Variants in REPS2 observed in about 807,000 individuals in gnomAD.
REPS2 encodes the protein ralBP1-associated Eps domain-containing protein 2.
REPS2 carries 23 observed loss-of-function variants against 53.6 expected under a neutral mutation model. The ratio of observed to expected loss-of-function variants is 0.43; its 90% CI spans 0.31 to 0.61. REPS2 has a LOEUF of 0.61. REPS2 is among the 20% of genes least tolerant of loss of function. REPS2 has a pLI of 0.11. For missense variants in REPS2, 446 were observed against 534.9 expected (o/e 0.83, Z 1.64); for synonymous variants, 238 against 218.6 (o/e 1.09, Z -0.78).
chrX:17,134,302 C>T (rs1003300765), intron 15 of REPS2, among the ~76,000 whole-genome samples: 2 of 111,627 alleles, frequency 1.8e-5, no homozygotes, highest in Admixed American at 9.5e-5. Context: ...CCTCTTGCAT[C>T]GTGGCATTTT....
intron 1 of REPS2, among the ~76,000 whole-genome samples, chrX:16,951,789 C>T (rs1430943670): frequency 4.5e-5 from 5 of 111,900 alleles, no homozygotes; most frequent in Non-Finnish European, 9.4e-5. Flanking sequence ...AATGAATTAA[C>T]AGACCGCTTT....
intron 1 of REPS2, among the ~76,000 whole-genome samples, chrX:16,965,003 C>T (rs1602523803): frequency 1.2e-5 from 1 of 83,932 alleles, no homozygotes; most frequent in African/African-American, 4.7e-5. Flanking sequence ...CAGAGGCGCC[C>T]CTCACCTCCC....
intron 5 of REPS2, among the ~76,000 whole-genome samples, chrX:17,030,276 C>G (rs367791948): frequency 3.1e-4 from 34 of 109,864 alleles, no homozygotes; most frequent in African/African-American, 1.0e-3. Flanking sequence ...TGTAGTGTCT[C>G]TGGGTCCTGT....
intron 13 of REPS2, among the ~76,000 whole-genome samples, chrX:17,098,840 C>T (rs1404485496): frequency 9.0e-6 from 1 of 111,304 alleles, no homozygotes; most frequent in East Asian, 2.8e-4. Flanking sequence ...TCCCTCCTGT[C>T]TTATCTCCTC....
At chrX:17,135,210 G>A (rs2063349607) in intron 15 of REPS2, 51 bp from the exon 16 acceptor site, 9 of 1,144,619 alleles carry the variant, frequency 7.9e-6, no homozygotes, top group Non-Finnish European at 1.1e-5. Context: ...AGAGTGGAGG[G>A]AACATTGAAA....
intron 1 of REPS2, among the ~76,000 whole-genome samples, chrX:16,979,577 A>G (rs1323009658): frequency 8.9e-6 from 1 of 111,945 alleles, no homozygotes; most frequent in African/African-American, 3.2e-5. Context: ...AAAAGTGAAC[A>G]TGGGTTGTTT....
intron 1 of REPS2, among the ~76,000 whole-genome samples, chrX:17,005,064 G>T (rs1016158892): frequency 1.1e-4 from 12 of 111,585 alleles, no homozygotes; most frequent in African/African-American, 3.9e-4. Flanking sequence ...CTACACTAAT[G>T]TTGGTGTGTT....
chrX:16,965,243 G>A (rs1367534878), intron 1 of REPS2, among the ~76,000 whole-genome samples: 55 of 99,737 alleles, frequency 5.5e-4, no homozygotes, highest in Non-Finnish European at 7.3e-4. Context: ...CTTCCCGGAC[G>A]GGGCGGCTGG....
At chrX:17,117,982 C>T (rs1318685040) in intron 14 of REPS2, among the ~76,000 whole-genome samples, 3 of 61,367 alleles carry the variant, frequency 4.9e-5, no homozygotes, top group Non-Finnish European at 8.2e-5. Context: ...TTTTTTGAGA[C>T]GGAGTCTCGC....
intron 13 of REPS2, among the ~76,000 whole-genome samples, chrX:17,103,284 G>C (rs1396502521): frequency 8.9e-6 from 1 of 111,907 alleles, no homozygotes; most frequent in Non-Finnish European, 1.9e-5. Context: ...TTGGGTTCCA[G>C]CTCTCTTAGT....
intron 12 of REPS2, 94 bp downstream of exon 12, chrX:17,074,253 T>TAAAC (rs2062349331): frequency 1.2e-6 from 1 of 820,582 alleles, no homozygotes; most frequent in East Asian, 3.2e-5. Flanking sequence ...CATGATTTCC[T>TAAAC]CTTCCTTTAG....
chrX:17,147,546 G>A lies in REPS2; in HGVS notation c.*65G>A, dbSNP rs1442359515. ...CCAAGATCTTTCTTTTGAATGTTTT[G>A]AACCCAACTACTTGTCATAGATGTT... On this transcript the variant is annotated 3_prime_UTR_variant, in exon 18 of 18. Coordinates refer to ENST00000357277, the MANE Select transcript of REPS2 (RefSeq NM_004726.3). The A allele has an allele frequency of 3.4e-6, 3 of 882,791 alleles. No homozygotes were observed. The highest frequency in any genetic ancestry group is 4.8e-6 in the Non-Finnish European group (3 of 618,741). 72.8% of individuals were successfully genotyped at this position (882,791 alleles called of 1,213,427 possible). A position where few individuals can be genotyped will look rare whatever the true frequency, so the allele number is the denominator to read the frequency against.
At chrX:17,024,744 G>A (rs950061765) in intron 3 of REPS2, among the ~76,000 whole-genome samples, 2 of 111,139 alleles carry the variant, frequency 1.8e-5, no homozygotes, top group Non-Finnish European at 3.8e-5. Context: ...ACAATTGGGA[G>A]CGGGTATGAA....
intron 14 of REPS2, among the ~76,000 whole-genome samples, chrX:17,132,438 C>T (rs1236058838): frequency 9.8e-5 from 11 of 112,721 alleles, no homozygotes; most frequent in Non-Finnish European, 2.1e-4. Context: ...TGTGTGTCAA[C>T]GTCAGACAGT....
In REPS2 at chrX:17,022,226, T is replaced by C; in HGVS notation, c.501T>C (p.Thr167=). ...HGTKVQIPYL[T]TEKNSFKRMD... ...CTAAGGTTCAGATTCCATATTTAAC[T>C]ACAGAAAAAAATTCCTTCAAAAGAA... is the stretch of plus-strand genomic sequence containing the variant. Residue 167 remains threonine, a synonymous_variant, in exon 3 of 18, where the codon ACT becomes ACC. Transcript: ENST00000357277. 1 of 1,209,404 alleles carries C rather than the reference T, an allele frequency of 8.3e-7. No homozygotes were observed. Among genetic ancestry groups the C allele is most frequent in the Non-Finnish European group, 1.1e-6 (1 of 893,544 alleles).
chrX:17,055,528 A>G (rs867074639), intron 8 of REPS2, among the ~76,000 whole-genome samples: 1,423 of 74,108 alleles, frequency 0.019, 54 homozygotes, highest in African/African-American at 0.072. Context: ...TGATTTTTGT[A>G]TAAGGTGTAA....
At chrX:17,192,395 T>A in the REPS2 span, among the ~76,000 whole-genome samples, 1 of 112,083 alleles carries the variant, frequency 8.9e-6, no homozygotes, top group Non-Finnish European at 1.9e-5. Flanking sequence ...CAGACTGCAG[T>A]GCCAATCTCT....
intron 2 of REPS2, among the ~76,000 whole-genome samples, chrX:17,021,761 G>A (rs1240349033): frequency 8.9e-6 from 1 of 112,153 alleles, no homozygotes; most frequent in Non-Finnish European, 1.9e-5. Flanking sequence ...ACTGTGCCTG[G>A]CATATTTAAG....
intron 11 of REPS2, among the ~76,000 whole-genome samples, chrX:17,072,512 C>T (rs1339418416): frequency 1.8e-5 from 2 of 111,736 alleles, no homozygotes; most frequent in Admixed American, 9.4e-5. Context: ...CAGGGCTCAC[C>T]CCTCCTTCCA....
Sources: allele counts gnomAD v4.1 joint callset (sites outside exome capture counted in the v4.1 genomes callset), GRCh38; gene constraint gnomAD v4.1.1; transcripts MANE v1.5; gene names NCBI Gene and HGNC (gene_info 2026-07-23, HGNC 2026-07-21).